Variants in ARHGAP6 observed in about 807,000 individuals in gnomAD.
ARHGAP6 encodes rho GTPase-activating protein 6.
A neutral mutation model predicts 55.7 loss-of-function variants in ARHGAP6; 16 were observed. That is an observed-to-expected ratio of 0.29 (90% CI 0.19 to 0.44). The LOEUF (loss-of-function observed/expected upper bound fraction) is 0.44. Among genes scored for constraint, ARHGAP6 ranks in the 20% least tolerant of loss-of-function variants. ARHGAP6 has a pLI of 1.00. For synonymous variants in ARHGAP6, 382 were observed against 360.9 expected, an observed-to-expected ratio of 1.06 and a Z score of -0.66; for missense variants, 698 against 808.9, an observed-to-expected ratio of 0.86 and a Z score of 1.66.
chrX:11,664,591 C>A lies in ARHGAP6; in HGVS notation c.238G>T (p.Ala80Ser). The A allele has an allele frequency of 8.5e-7, 1 of 1,177,735 alleles. No individual in the cohort carries two copies. Among genetic ancestry groups the A allele is most frequent in the Non-Finnish European group, 1.1e-6 (1 of 878,197 alleles). ...LPAESLGPRL[A>S]SSSRGPPPRA... ...GGGGGCGGACCCCGGGAAGAGGACGCCAAGCGAGGGCCGAGACTCTCGGCT... is the reference window on the plus strand; with the variant it reads ...GGGGGCGGACCCCGGGAAGAGGACGACAAGCGAGGGCCGAGACTCTCGGCT... Residue 80 changes from alanine (A) to serine (S), a missense_variant, in exon 1 of 13, where the codon GCG becomes TCG. Around this residue, in one of 3 missense-constraint regions of ARHGAP6, gnomAD observed 164 missense variants for 149.2 expected, o/e 1.10. Coordinates refer to ENST00000337414, the MANE Select transcript of ARHGAP6 (RefSeq NM_013427.3).
At chrX:11,155,921 C>CA (rs1660511607) in intron 10 of ARHGAP6, among the ~76,000 whole-genome samples, 1 of 112,423 alleles carries the variant, frequency 8.9e-6, no homozygotes, top group Non-Finnish European at 1.9e-5. Flanking sequence ...CTTTTGGGAG[C>CA]AAAAATGGCA....
chrX:11,146,493 A>AC (rs1200060730), intron 10 of ARHGAP6, among the ~76,000 whole-genome samples: 2 of 111,694 alleles, frequency 1.8e-5, no homozygotes, highest in African/African-American at 6.5e-5. Context: ...CAGTTTCCCC[A>AC]CCCCCCAGTG....
At chrX:11,588,478 A>G (rs1354850639) in intron 1 of ARHGAP6, among the ~76,000 whole-genome samples, 1 of 112,439 alleles carries the variant, frequency 8.9e-6, no homozygotes, top group Non-Finnish European at 1.9e-5. Flanking sequence ...AAATGTTCAT[A>G]GCAGCATTAT....
At chrX:11,427,059 C>T (rs1840758121) in intron 1 of ARHGAP6, among the ~76,000 whole-genome samples, 1 of 111,060 alleles carries the variant, frequency 9.0e-6, no homozygotes, top group Admixed American at 9.5e-5. Context: ...GAGGGAAATG[C>T]ACTCCCTTTC....
chrX:11,651,045 T>C (rs948943103), intron 1 of ARHGAP6, among the ~76,000 whole-genome samples: 1 of 112,209 alleles, frequency 8.9e-6, no homozygotes, highest in Non-Finnish European at 1.9e-5. Flanking sequence ...ACTGTATCTG[T>C]CTTTGAGCTC....
intron 1 of ARHGAP6, among the ~76,000 whole-genome samples, chrX:11,411,545 A>AC (rs1295755739): frequency 9.1e-6 from 1 of 109,437 alleles, no homozygotes; most frequent in Non-Finnish European, 1.9e-5. Context: ...AGTTTCTTAG[A>AC]AGTCTGGTGT....
intron 12 of ARHGAP6, among the ~76,000 whole-genome samples, chrX:11,140,006 C>T (rs897091795): frequency 9.0e-6 from 1 of 110,963 alleles, no homozygotes; most frequent in Non-Finnish European, 1.9e-5. Context: ...AGAAGGCAGG[C>T]CAGCCACTAT....
chrX:11,592,925 G>A (rs986914615), intron 1 of ARHGAP6, among the ~76,000 whole-genome samples: 1 of 111,441 alleles, frequency 9.0e-6, no homozygotes, highest in African/African-American at 3.3e-5. Flanking sequence ...TTCTATTACA[G>A]CATATTTGTG....
chrX:11,184,747 G>A (rs542544996), intron 5 of ARHGAP6, among the ~76,000 whole-genome samples: 6 of 112,152 alleles, frequency 5.3e-5, no homozygotes, highest in African/African-American at 1.9e-4. Context: ...CAACTTTTGA[G>A]GTGGGTACTT....
chrX:11,496,044 T>C (rs1244805020), intron 1 of ARHGAP6, among the ~76,000 whole-genome samples: 1 of 112,235 alleles, frequency 8.9e-6, no homozygotes, highest in African/African-American at 3.2e-5. Context: ...CCTTCACCAG[T>C]TGAGCCTTCA....
At chrX:11,322,422 G>A (rs1042209862) in intron 1 of ARHGAP6, among the ~76,000 whole-genome samples, 5 of 110,731 alleles carry the variant, frequency 4.5e-5, no homozygotes, top group Non-Finnish European at 9.5e-5. Context: ...GCAATGGCAT[G>A]ACCTCAGCTC....
intron 1 of ARHGAP6, among the ~76,000 whole-genome samples, chrX:11,397,553 A>G (rs187220045): frequency 2.8e-4 from 31 of 111,843 alleles, no homozygotes; most frequent in African/African-American, 9.4e-4. Flanking sequence ...TATCTCTCAC[A>G]TTTAATTTCA....
intron 1 of ARHGAP6, among the ~76,000 whole-genome samples, chrX:11,353,856 T>G (rs1166482468): frequency 2.7e-5 from 3 of 110,934 alleles, no homozygotes; most frequent in Non-Finnish European, 5.7e-5. Context: ...TGAAGCCATA[T>G]TCTAGAAAAG....
intron 9 of ARHGAP6, among the ~76,000 whole-genome samples, chrX:11,168,153 G>GCCTCAAAATACAAGGAGCTGGGATTCCT (rs1354857166): frequency 1.8e-5 from 2 of 111,949 alleles, no homozygotes; most frequent in Non-Finnish European, 3.8e-5. Flanking sequence ...AAATGTCAGA[G>GCCTCAAAATACAAGGAGCTGGGATTCCT]CCTCAAAATA....
At chrX:11,204,379 C>T (rs1234390506) in intron 2 of ARHGAP6, among the ~76,000 whole-genome samples, 1 of 111,739 alleles carries the variant, frequency 8.9e-6, no homozygotes, top group Non-Finnish European at 1.9e-5. Context: ...CTTTGAGCAC[C>T]TCCCTGGGCC....
intron 2 of ARHGAP6, among the ~76,000 whole-genome samples, chrX:11,216,809 T>C (rs2046889751): frequency 9.0e-6 from 1 of 111,351 alleles, no homozygotes; most frequent in African/African-American, 3.3e-5. Flanking sequence ...GGTGGTTTGC[T>C]GCACCCATCA....
At chrX:11,387,115 G>A (rs1178069325) in intron 1 of ARHGAP6, among the ~76,000 whole-genome samples, 3 of 112,166 alleles carry the variant, frequency 2.7e-5, no homozygotes, top group Non-Finnish European at 5.6e-5. Context: ...CCAGGATGTT[G>A]CAGACAGGAA....
chrX:11,486,367 G>C (rs2050511226), intron 1 of ARHGAP6, among the ~76,000 whole-genome samples: 1 of 111,997 alleles, frequency 8.9e-6, no homozygotes, highest in South Asian at 3.7e-4. Flanking sequence ...ATATTCATTT[G>C]TTCATTAAGT....
intron 1 of ARHGAP6, among the ~76,000 whole-genome samples, chrX:11,501,080 T>C (rs2050673414): frequency 8.9e-6 from 1 of 112,166 alleles, no homozygotes; most frequent in African/African-American, 3.2e-5. Context: ...CTTTCACAAC[T>C]ACTCAACTCT....
Sources: allele counts gnomAD v4.1 joint callset (sites outside exome capture counted in the v4.1 genomes callset), GRCh38; gene constraint gnomAD v4.1.1; regional missense constraint gnomAD v4.1.1; transcripts MANE v1.5; gene names NCBI Gene and HGNC (gene_info 2026-07-23, HGNC 2026-07-21).